Variants in DOK5 observed in about 807,000 individuals in gnomAD.
The protein encoded by DOK5 is downstream of tyrosine kinase 5.
DOK5 carries 27 observed loss-of-function variants against 43.3 expected under a neutral mutation model. The observed-to-expected ratio is 0.62, with a 90% confidence interval of 0.46 to 0.86. The LOEUF (loss-of-function observed/expected upper bound fraction) is 0.86, where lower values mean the gene tolerates loss of function less well. Among genes scored for constraint, DOK5 ranks in the 40% least tolerant of loss-of-function variants. The pLI is 0.00. For synonymous variants in DOK5, 146 were observed against 140.1 expected (o/e 1.04, Z -0.30); for missense variants, 373 against 392.9 (o/e 0.95, Z 0.43).
In DOK5 at chr20:54,498,212, C is replaced by A. The variant is rs111480886; in HGVS notation, c.66+22200C>A. ...GGCGGTGTTACTTTCTGCACCTTAG[C>A]ATAATTATTGTGTCATTGTCAGAGA... is the stretch of plus-strand genomic sequence containing the variant. On this transcript the variant is annotated intron_variant, in intron 1 of 7. Coordinates refer to ENST00000262593, the MANE Select transcript of DOK5 (RefSeq NM_018431.5). 4.0e-3 allele frequency among the ~76,000 whole-genome samples: 613 copies of A among 152,294 alleles called. 4 individuals carry two copies. The highest frequency in any genetic ancestry group is 0.014 in the African/African-American group (582 of 41,562).
intron 2 of DOK5, among the ~76,000 whole-genome samples, chr20:54,572,044 C>T (rs929783369): frequency 1.3e-5 from 2 of 151,824 alleles, no homozygotes; most frequent in African/African-American, 4.8e-5. Context: ...CCTCTCTGAC[C>T]TTTTTCTCTA....
chr20:54,496,812 AC>A (rs1982422542), intron 1 of DOK5, among the ~76,000 whole-genome samples: 1 of 151,588 alleles, frequency 6.6e-6, no homozygotes, highest in Non-Finnish European at 1.5e-5. Context: ...GCATAAATCG[AC>A]ATTTAGAGTA....
chr20:54,632,002 G>T (rs1003711715), intron 6 of DOK5, among the ~76,000 whole-genome samples: 1 of 152,204 alleles, frequency 6.6e-6, no homozygotes, highest in African/African-American at 2.4e-5. Flanking sequence ...CAACAAAATG[G>T]TAATGGGTAA....
intron 5 of DOK5, among the ~76,000 whole-genome samples, chr20:54,598,887 T>C (rs1268989217): frequency 6.6e-6 from 1 of 152,210 alleles, no homozygotes; most frequent in Non-Finnish European, 1.5e-5. Flanking sequence ...TGTTTTTTTG[T>C]ATATTTCACC....
intron 1 of DOK5, among the ~76,000 whole-genome samples, chr20:54,493,888 A>C (rs1401682423): frequency 1.3e-5 from 2 of 152,164 alleles, no homozygotes; most frequent in African/African-American, 4.8e-5. Flanking sequence ...GCAGTGAGCC[A>C]TGATCATGCC....
chr20:54,610,656 T>C, intron 6 of DOK5, 133 bp downstream of exon 6: 1 of 1,067,550 alleles, frequency 9.4e-7, no homozygotes, highest in Non-Finnish European at 1.2e-6. Flanking sequence ...AGTGTATCAC[T>C]TGGATTAAAT....
At chr20:54,541,182 A>G (rs868631947) in intron 1 of DOK5, among the ~76,000 whole-genome samples, 5 of 152,198 alleles carry the variant, frequency 3.3e-5, no homozygotes, top group Middle Eastern at 3.2e-3. Context: ...TCCCATCAGT[A>G]AATCATGTTG....
At chr20:54,589,824 G>T (rs1377926149) in intron 4 of DOK5, among the ~76,000 whole-genome samples, 2 of 152,122 alleles carry the variant, frequency 1.3e-5, no homozygotes, top group Admixed American at 6.5e-5. Context: ...CACCATATCT[G>T]CCATAACCCA....
chr20:54,478,301 G>T (rs1354176374), intron 1 of DOK5, among the ~76,000 whole-genome samples: 2 of 152,214 alleles, frequency 1.3e-5, no homozygotes, highest in East Asian at 1.9e-4. Context: ...ATGCTGTACG[G>T]AATTGGCATG....
intron 1 of DOK5, among the ~76,000 whole-genome samples, chr20:54,482,832 C>T (rs1981774967): frequency 6.6e-6 from 1 of 152,142 alleles, no homozygotes. Context: ...TATATGTATG[C>T]ACATGCACAT....
intron 1 of DOK5, among the ~76,000 whole-genome samples, chr20:54,492,947 C>T (rs139405234): frequency 0.022 from 3,291 of 149,654 alleles, 104 homozygotes; most frequent in African/African-American, 0.072. Context: ...CCCAGTTACT[C>T]GAAAGGCTGA....
chr20:54,494,117 A>G (rs13042185), intron 1 of DOK5, among the ~76,000 whole-genome samples: 31,671 of 152,044 alleles, frequency 0.21, 5,587 homozygotes, highest in African/African-American at 0.48. Flanking sequence ...AGCTTGTCTC[A>G]CTTCTTGCTT....
intron 1 of DOK5, among the ~76,000 whole-genome samples, chr20:54,554,205 G>A (rs910022574): frequency 3.9e-5 from 6 of 152,190 alleles, no homozygotes; most frequent in Non-Finnish European, 8.8e-5. Context: ...CTAGATCTCA[G>A]TATTAGGAAT....
At chr20:54,479,385 G>A (rs1981574209) in intron 1 of DOK5, among the ~76,000 whole-genome samples, 1 of 152,166 alleles carries the variant, frequency 6.6e-6, no homozygotes. Flanking sequence ...TGAGGGGCTG[G>A]GGGAAGGAGG....
intron 1 of DOK5, among the ~76,000 whole-genome samples, chr20:54,501,321 G>C (rs1024786498): frequency 4.0e-5 from 6 of 151,886 alleles, no homozygotes; most frequent in African/African-American, 9.7e-5. Context: ...CAAAAAATTA[G>C]CTGGGCGTGG....
Position 54,605,669 on chromosome 20 carries a change from G to T in DOK5, c.600-4719G>T, listed in dbSNP as rs564113718. Among the ~76,000 whole-genome samples, 3 of 152,354 alleles carry T rather than the reference G, an allele frequency of 2.0e-5. No individual in the cohort carries two copies. In the South Asian group the frequency reaches 6.2e-4, roughly 32 times the overall value. On this transcript the variant is annotated intron_variant, in intron 5 of 7. Coordinates refer to ENST00000262593, the MANE Select transcript of DOK5 (RefSeq NM_018431.5). ...AAGTTGCTCAAGGAAGCCTGGGTCA[G>T]GTTCCCGGTGATGCTTTTCCTAGCA...
At chr20:54,550,762 A>C (rs1238909042) in intron 1 of DOK5, among the ~76,000 whole-genome samples, 1 of 152,140 alleles carries the variant, frequency 6.6e-6, no homozygotes, top group Non-Finnish European at 1.5e-5. Context: ...CATTGTATGG[A>C]GGATGTACCA....
At chr20:54,640,067 G>A (rs943015168) in intron 6 of DOK5, among the ~76,000 whole-genome samples, 3 of 152,124 alleles carry the variant, frequency 2.0e-5, no homozygotes, top group Non-Finnish European at 4.4e-5. Context: ...CACACCCACT[G>A]AGACAGGGAC....
intron 1 of DOK5, among the ~76,000 whole-genome samples, chr20:54,509,447 G>A (rs763369487): frequency 5.9e-5 from 9 of 152,258 alleles, no homozygotes; most frequent in East Asian, 3.9e-4. Flanking sequence ...TCTCACCTCC[G>A]CCTCCCAAAA....
Sources: allele counts gnomAD v4.1 joint callset (sites outside exome capture counted in the v4.1 genomes callset), GRCh38; gene constraint gnomAD v4.1.1; transcripts MANE v1.5; gene names NCBI Gene and HGNC (gene_info 2026-07-23, HGNC 2026-07-21).